The following RBMS3 variants were observed in gnomAD, a reference collection of about 807,000 sequenced individuals.
RBMS3 encodes the protein RNA-binding motif, single-stranded-interacting protein 3.
RBMS3 carries 27 observed loss-of-function variants against 66.8 expected under a neutral mutation model. That is an observed-to-expected ratio of 0.40 (90% CI 0.30 to 0.56). The LOEUF is 0.56. Among genes scored for constraint, RBMS3 ranks in the 20% least tolerant of loss-of-function variants. The probability of loss-of-function intolerance (pLI) is 0.40; values close to 1 mark genes in which losing one functional copy is unlikely to be tolerated. For synonymous variants in RBMS3, 188 were observed against 183.0 expected (o/e 1.03, Z -0.22); for missense variants, 513 against 549.5 (o/e 0.93, Z 0.66).
Position 29,865,504 on chromosome 3 carries a change from G to A in RBMS3, c.638-3354G>A, listed in dbSNP as rs182502579. Among the ~76,000 whole-genome samples, 8 of 152,302 alleles carry A rather than the reference G, an allele frequency of 5.3e-5. No homozygotes were observed. The South Asian group carries it at 8.3e-4, about 16-fold the overall frequency. On this transcript the variant is annotated intron_variant, in intron 6 of 14. Transcript: ENST00000383767. The stretch of plus-strand genomic sequence containing the variant: ...CACTGGTCAATGTGTTCTTACAGCC[G>A]TAAGGCAGAATAAAAATCTGGAAAT...
chr3:29,443,302 TTA>T (rs1464292021), intron 2 of RBMS3, among the ~76,000 whole-genome samples: 1 of 152,108 alleles, frequency 6.6e-6, no homozygotes, highest in Non-Finnish European at 1.5e-5. Context: ...TTTTACTCAT[TTA>T]TTCAAACGTA....
At chr3:29,745,935 GCCT>G (rs2054874866) in intron 5 of RBMS3, among the ~76,000 whole-genome samples, 1 of 150,864 alleles carries the variant, frequency 6.6e-6, no homozygotes, top group Admixed American at 6.6e-5. Context: ...ACAAATACTA[GCCT>G]GCTTACTAAA....
intron 6 of RBMS3, among the ~76,000 whole-genome samples, chr3:29,817,796 A>C (rs1487532490): frequency 6.6e-6 from 1 of 151,954 alleles, no homozygotes; most frequent in Non-Finnish European, 1.5e-5. Flanking sequence ...TAATTTTTGA[A>C]AAGAAATAGA....
At chr3:29,666,061 C>T (rs973265920) in intron 4 of RBMS3, among the ~76,000 whole-genome samples, 14 of 152,092 alleles carry the variant, frequency 9.2e-5, no homozygotes, top group Non-Finnish European at 1.8e-4. Context: ...TTCCAAGGCA[C>T]GTTGTCATAT....
chr3:29,717,610 A>C (rs944652143), intron 4 of RBMS3, among the ~76,000 whole-genome samples: 1 of 152,140 alleles, frequency 6.6e-6, no homozygotes, highest in East Asian at 1.9e-4. Context: ...AAATCTGTTA[A>C]CGTTTTTGTA....
intron 1 of RBMS3, among the ~76,000 whole-genome samples, chr3:29,392,062 C>T (rs1287834176): frequency 6.6e-6 from 1 of 151,966 alleles, no homozygotes; most frequent in African/African-American, 2.4e-5. Flanking sequence ...CCAACTTGGG[C>T]AACATGGTGA....
chr3:29,982,740 T>TGG (rs1252140281), intron 12 of RBMS3, among the ~76,000 whole-genome samples: 4 of 152,260 alleles, frequency 2.6e-5, no homozygotes, highest in Non-Finnish European at 5.9e-5. Flanking sequence ...AGTTTCTTCA[T>TGG]CCTGAGTTCT....
At chr3:29,599,450 G>A (rs191142592) in intron 4 of RBMS3, among the ~76,000 whole-genome samples, 29 of 151,320 alleles carry the variant, frequency 1.9e-4, no homozygotes, top group Non-Finnish European at 3.4e-4. Flanking sequence ...AGTGAGTGGC[G>A]GTCTAACATA....
intron 1 of RBMS3, among the ~76,000 whole-genome samples, chr3:29,399,998 G>T (rs2039735780): frequency 6.6e-6 from 1 of 152,044 alleles, no homozygotes; most frequent in Admixed American, 6.6e-5. Context: ...AGGTTTCAAG[G>T]ATATGGAGCA....
chr3:29,300,776 C>A (rs776440002), intron 1 of RBMS3, among the ~76,000 whole-genome samples: 5 of 151,630 alleles, frequency 3.3e-5, no homozygotes, highest in African/African-American at 1.2e-4. Context: ...AAGAGGAAAC[C>A]AAGCAAAGAA....
At chr3:29,519,894 T>C (rs1290154623) in intron 3 of RBMS3, among the ~76,000 whole-genome samples, 1 of 152,186 alleles carries the variant, frequency 6.6e-6, no homozygotes, top group African/African-American at 2.4e-5. Flanking sequence ...TCTGTTCTAA[T>C]CACAGTTGCC....
intron 8 of RBMS3, 79 bp from the exon 9 acceptor site, chr3:29,897,300 A>G (rs956221160): frequency 1.0e-5 from 13 of 1,268,828 alleles, no homozygotes; most frequent in Non-Finnish European, 1.2e-5. Flanking sequence ...TGTCTTTCCC[A>G]TAGGTACTTG....
At chr3:29,311,601 T>C (rs547246248) in intron 1 of RBMS3, among the ~76,000 whole-genome samples, 18 of 151,826 alleles carry the variant, frequency 1.2e-4, no homozygotes, top group Admixed American at 7.2e-4. Context: ...GTTTGAGGTT[T>C]ACTATTTAAT....
chr3:29,628,103 C>A (rs1559520662), intron 4 of RBMS3, among the ~76,000 whole-genome samples: 1 of 152,106 alleles, frequency 6.6e-6, no homozygotes, highest in South Asian at 2.1e-4. Context: ...CTGATACTAG[C>A]CCTTGTTTTA....
At chr3:29,551,814 A>G (rs35895) in intron 3 of RBMS3, among the ~76,000 whole-genome samples, 92,563 of 152,046 alleles carry the variant, frequency 0.61, 29,127 homozygotes, top group African/African-American at 0.77. Context: ...TTATCATCAC[A>G]GACACCTTAT....
intron 1 of RBMS3, among the ~76,000 whole-genome samples, chr3:29,349,881 C>G (rs1311057640): frequency 6.6e-6 from 1 of 152,034 alleles, no homozygotes; most frequent in Non-Finnish European, 1.5e-5. Context: ...TTGTTCAGGC[C>G]GGGTGAGGTG....
chr3:29,763,794 A>G (rs2055800313), intron 6 of RBMS3, among the ~76,000 whole-genome samples: 1 of 152,106 alleles, frequency 6.6e-6, no homozygotes, highest in Non-Finnish European at 1.5e-5. Context: ...TAAAAAATTA[A>G]CAATGGAATG....
At chr3:29,960,190 A>T (rs1696330750) in intron 12 of RBMS3, among the ~76,000 whole-genome samples, 1 of 152,256 alleles carries the variant, frequency 6.6e-6, no homozygotes. Context: ...AAATATACTT[A>T]TTCCAAATGG....
chr3:29,368,678 TCA>T (rs1553640391), intron 1 of RBMS3, among the ~76,000 whole-genome samples: 1 of 152,048 alleles, frequency 6.6e-6, no homozygotes. Context: ...TTTAAAAATC[TCA>T]CAAATATTTA....
Sources: allele counts gnomAD v4.1 joint callset (sites outside exome capture counted in the v4.1 genomes callset), GRCh38; gene constraint gnomAD v4.1.1; transcripts MANE v1.5; gene names NCBI Gene and HGNC (gene_info 2026-07-23, HGNC 2026-07-21).